The following SGCZ variants were observed in gnomAD, a reference collection of about 807,000 sequenced individuals.
SGCZ encodes sarcoglycan zeta, also known as zeta-sarcoglycan.
SGCZ carries 40 observed loss-of-function variants against 41.3 expected under a neutral mutation model. The ratio of observed to expected loss-of-function variants is 0.97; its 90% CI spans 0.75 to 1.26. The LOEUF (loss-of-function observed/expected upper bound fraction) is 1.26. Among genes scored for constraint, SGCZ ranks in the 50% most tolerant of loss-of-function variants. The pLI, the probability that SGCZ is intolerant of heterozygous loss-of-function variation, is 0.00. For missense variants in SGCZ, 552 were observed against 369.8 expected (o/e 1.49, Z -4.04); for synonymous variants, 206 against 137.5 (o/e 1.50, Z -3.49).
chr8:14,118,613 G>T (rs1336533244), intron 5 of SGCZ, among the ~76,000 whole-genome samples: 1 of 152,108 alleles, frequency 6.6e-6, no homozygotes. Flanking sequence ...TGCTTTTGGT[G>T]TTTTAGTCAT....
intron 1 of SGCZ, among the ~76,000 whole-genome samples, chr8:14,602,037 A>T (rs368220645): frequency 6.6e-6 from 1 of 151,922 alleles, no homozygotes; most frequent in Admixed American, 6.6e-5. Context: ...GGAGAATGGC[A>T]TGAACCCGGG....
intron 1 of SGCZ, among the ~76,000 whole-genome samples, chr8:14,897,393 T>C (rs1322689571): frequency 2.0e-5 from 3 of 152,212 alleles, no homozygotes; most frequent in Non-Finnish European, 4.4e-5. Flanking sequence ...CCCACTAGGA[T>C]GGCTTGTAAC....
chr8:14,183,492 C>T (rs1266521863), intron 4 of SGCZ, among the ~76,000 whole-genome samples: 1 of 152,058 alleles, frequency 6.6e-6, no homozygotes, highest in Non-Finnish European at 1.5e-5. Flanking sequence ...AATAAAAATC[C>T]TATGCACAGT....
chr8:14,816,167 T>G (rs536815350), intron 1 of SGCZ, among the ~76,000 whole-genome samples: 43 of 152,330 alleles, frequency 2.8e-4, no homozygotes, highest in African/African-American at 9.9e-4. Context: ...CAGTGGGAAT[T>G]AGACACTTTC....
chr8:14,702,818 TAG>T lies in SGCZ; in HGVS notation c.40-147894_40-147893del, dbSNP rs1216066363. ...GCAGACAGGTAGGTAGTTAGGTAGA[TAG>T]ATAGATAGATAGATAGATAGATAGA... On this transcript the variant is annotated intron_variant, in intron 1 of 7. Transcript: ENST00000382080. Among the ~76,000 whole-genome samples, 8 of 2,268 alleles carry T rather than the reference TAG, an allele frequency of 3.5e-3. 1 individual carries two copies. The highest frequency in any genetic ancestry group is 7.2e-3 in the African/African-American group (6 of 832). The allele number at this position is 2,268 out of a possible 152,430, so 1.5% of individuals were successfully genotyped here.
chr8:15,190,107 G>A (rs927394388), intron 1 of SGCZ, among the ~76,000 whole-genome samples: 1 of 151,992 alleles, frequency 6.6e-6, no homozygotes, highest in Non-Finnish European at 1.5e-5. Context: ...CAAACCCATG[G>A]TTTGATGTCT....
intron 1 of SGCZ, among the ~76,000 whole-genome samples, chr8:14,834,142 G>T (rs1314922678): frequency 1.3e-5 from 2 of 152,084 alleles, no homozygotes; most frequent in African/African-American, 4.8e-5. Context: ...TTCTCACTAT[G>T]TCATTGTAAA....
At chr8:15,195,890 A>ATTTTTTTTT (rs10548247) in intron 1 of SGCZ, among the ~76,000 whole-genome samples, 1 of 73,150 alleles carries the variant, frequency 1.4e-5, no homozygotes, top group Non-Finnish European at 2.6e-5. Flanking sequence ...TTAGGCTTCG[A>ATTTTTTTTT]TTTTTTTTTT....
At chr8:14,758,397 T>C (rs1488469639) in intron 1 of SGCZ, among the ~76,000 whole-genome samples, 1 of 152,212 alleles carries the variant, frequency 6.6e-6, no homozygotes, top group Non-Finnish European at 1.5e-5. Flanking sequence ...AGCTTCTTTT[T>C]TCATCAATTT....
At chr8:14,181,942 G>C (rs1319442737) in intron 4 of SGCZ, among the ~76,000 whole-genome samples, 2 of 152,102 alleles carry the variant, frequency 1.3e-5, no homozygotes, top group Admixed American at 6.6e-5. Flanking sequence ...AGAGCCATGA[G>C]TTAACCCAAT....
chr8:15,161,687 T>C (rs1054879555), intron 1 of SGCZ, among the ~76,000 whole-genome samples: 1 of 152,246 alleles, frequency 6.6e-6, no homozygotes, highest in African/African-American at 2.4e-5. Context: ...GGTTTTTCCA[T>C]GTTACTCATT....
chr8:14,601,464 A>C (rs1469489716), intron 1 of SGCZ, among the ~76,000 whole-genome samples: 1 of 151,952 alleles, frequency 6.6e-6, no homozygotes, highest in Non-Finnish European at 1.5e-5. Flanking sequence ...TTTTTTTCAA[A>C]AATCATGAAA....
intron 4 of SGCZ, among the ~76,000 whole-genome samples, chr8:14,169,670 G>A (rs1292942973): frequency 6.6e-6 from 1 of 152,108 alleles, no homozygotes; most frequent in Non-Finnish European, 1.5e-5. Context: ...GCTAGTAATT[G>A]TCCAGTTCTG....
intron 2 of SGCZ, among the ~76,000 whole-genome samples, chr8:14,342,991 T>A (rs1345593235): frequency 6.6e-6 from 1 of 152,164 alleles, no homozygotes; most frequent in Non-Finnish European, 1.5e-5. Flanking sequence ...TCCCAGCCAC[T>A]CCTGCCCTGA....
At chr8:14,949,473 A>G (rs1214838942) in intron 1 of SGCZ, among the ~76,000 whole-genome samples, 2 of 152,162 alleles carry the variant, frequency 1.3e-5, no homozygotes, top group Non-Finnish European at 2.9e-5. Flanking sequence ...TTCACTTCAC[A>G]TGACTGATTT....
chr8:14,266,663 G>T (rs1244217366), intron 3 of SGCZ, among the ~76,000 whole-genome samples: 3 of 152,086 alleles, frequency 2.0e-5, no homozygotes, highest in Admixed American at 6.5e-5. Flanking sequence ...GGGACCTGAT[G>T]GGTCATTGTG....
At chr8:14,756,715 T>A (rs1799681179) in intron 1 of SGCZ, among the ~76,000 whole-genome samples, 2 of 152,202 alleles carry the variant, frequency 1.3e-5, no homozygotes, top group African/African-American at 4.8e-5. Flanking sequence ...ATAAAATACA[T>A]ATTTTGCATT....
intron 2 of SGCZ, among the ~76,000 whole-genome samples, chr8:14,522,466 T>G (rs1203892054): frequency 6.6e-6 from 1 of 151,970 alleles, no homozygotes; most frequent in African/African-American, 2.4e-5. Flanking sequence ...TATGATAGTT[T>G]GAGTTTTTAA....
chr8:14,347,667 AAAATT>A (rs1176145112), intron 2 of SGCZ, among the ~76,000 whole-genome samples: 6 of 151,840 alleles, frequency 4.0e-5, no homozygotes, highest in Non-Finnish European at 8.8e-5. Context: ...AAGATTAAAT[AAAATT>A]ATTTTCATCA....
Sources: allele counts gnomAD v4.1 joint callset (sites outside exome capture counted in the v4.1 genomes callset), GRCh38; gene constraint gnomAD v4.1.1; transcripts MANE v1.5; gene names NCBI Gene and HGNC (gene_info 2026-07-23, HGNC 2026-07-21).